The following ARHGAP6 variants were observed in gnomAD, a reference collection of about 807,000 sequenced individuals.
ARHGAP6 encodes Rho GTPase activating protein 6.
ARHGAP6 carries 16 observed loss-of-function variants against 55.7 expected under a neutral mutation model. The observed-to-expected ratio is 0.29, with a 90% CI of 0.19 to 0.44. ARHGAP6 has a LOEUF of 0.44. ARHGAP6 is among the 20% of genes least tolerant of loss of function. ARHGAP6 has a pLI of 1.00. For missense variants in ARHGAP6, 698 were observed against 808.9 expected (o/e 0.86, Z 1.66); for synonymous variants, 382 against 360.9 (o/e 1.06, Z -0.66).
In ARHGAP6 at chrX:11,221,424, A is replaced by T. The variant is rs139086720; in HGVS notation, c.749-24428T>A. 4.0e-3 allele frequency: 611 copies of T among 152,489 alleles called. 4 individuals carry two copies. The highest frequency in any genetic ancestry group is 0.019 in the African/African-American group (585 of 31,612). 12.6% of individuals were successfully genotyped at this position (152,489 alleles called of 1,213,427 possible). On this transcript the variant is annotated intron_variant, in intron 2 of 12. Coordinates refer to ENST00000337414, the MANE Select transcript of ARHGAP6 (RefSeq NM_013427.3). ...TTGTAGTTTATGAAAATTGTTTTCA[A>T]TCATACAACTGTTACAATAGGCTGT...
chrX:11,573,380 A>G (rs1047660490), intron 1 of ARHGAP6, among the ~76,000 whole-genome samples: 8 of 110,470 alleles, frequency 7.2e-5, no homozygotes, highest in Admixed American at 1.9e-4. Flanking sequence ...TAAGGAAGGG[A>G]TCCAGTTTCA....
chrX:11,460,024 C>A (rs1370562374), intron 1 of ARHGAP6, among the ~76,000 whole-genome samples: 1 of 112,005 alleles, frequency 8.9e-6, no homozygotes, highest in African/African-American at 3.2e-5. Context: ...CCTGGTATAA[C>A]CCCTTCCCAT....
intron 1 of ARHGAP6, among the ~76,000 whole-genome samples, chrX:11,594,969 C>T (rs1308583170): frequency 8.9e-6 from 1 of 111,980 alleles, no homozygotes; most frequent in Non-Finnish European, 1.9e-5. Flanking sequence ...GTAAACACAA[C>T]TTTCTGGAGA....
At chrX:11,641,572 A>G (rs1302236352) in intron 1 of ARHGAP6, among the ~76,000 whole-genome samples, 1 of 111,852 alleles carries the variant, frequency 8.9e-6, no homozygotes, top group Non-Finnish European at 1.9e-5. Flanking sequence ...GATGCAATAA[A>G]TTTGGTCATA....
intron 1 of ARHGAP6, among the ~76,000 whole-genome samples, chrX:11,563,898 G>C (rs1365589518): frequency 1.8e-5 from 2 of 111,162 alleles, no homozygotes; most frequent in Non-Finnish European, 3.8e-5. Context: ...ACATGTCTCC[G>C]AGTATTCTTA....
At chrX:11,271,764 G>A (rs755391503) in intron 1 of ARHGAP6, among the ~76,000 whole-genome samples, 1 of 111,574 alleles carries the variant, frequency 9.0e-6, no homozygotes, top group East Asian at 2.8e-4. Context: ...ATTTTTAGTT[G>A]CAGTCTGGTA....
intron 1 of ARHGAP6, among the ~76,000 whole-genome samples, chrX:11,455,339 T>C (rs778345742): frequency 8.9e-6 from 1 of 112,107 alleles, no homozygotes; most frequent in African/African-American, 3.2e-5. Flanking sequence ...TTTGGTGACA[T>C]CTTTGTCATT....
At chrX:11,216,489 C>A (rs2046884840) in intron 2 of ARHGAP6, among the ~76,000 whole-genome samples, 1 of 111,206 alleles carries the variant, frequency 9.0e-6, no homozygotes, top group Non-Finnish European at 1.9e-5. Context: ...CCCTGTCTCA[C>A]CAAAAATACA....
At chrX:11,254,008 A>G (rs756444902) in intron 2 of ARHGAP6, among the ~76,000 whole-genome samples, 2 of 111,889 alleles carry the variant, frequency 1.8e-5, no homozygotes, top group African/African-American at 6.5e-5. Flanking sequence ...TACTGGAATC[A>G]GGATCTGTTT....
intron 2 of ARHGAP6, among the ~76,000 whole-genome samples, chrX:11,215,061 G>C (rs1226707361): frequency 4.4e-5 from 5 of 113,247 alleles, no homozygotes; most frequent in Non-Finnish European, 9.4e-5. Flanking sequence ...CTGCCCAGGT[G>C]GTTCCCAGGG....
chrX:11,659,455 G>T (rs2052672563), intron 1 of ARHGAP6, among the ~76,000 whole-genome samples: 1 of 109,276 alleles, frequency 9.2e-6, no homozygotes, highest in African/African-American at 3.3e-5. Context: ...TTTAAAAGAA[G>T]CATCCCTGGC....
intron 1 of ARHGAP6, among the ~76,000 whole-genome samples, chrX:11,592,724 A>G (rs1238331480): frequency 9.0e-6 from 1 of 111,684 alleles, no homozygotes; most frequent in African/African-American, 3.3e-5. Context: ...GAAAAGCCCA[A>G]AAGAGAAGAT....
chrX:11,267,061 T>A (rs765592839), intron 1 of ARHGAP6, among the ~76,000 whole-genome samples: 4 of 111,802 alleles, frequency 3.6e-5, no homozygotes, highest in Non-Finnish European at 7.5e-5. Context: ...TCCTAAAAAC[T>A]GATGTTGAAA....
intron 1 of ARHGAP6, among the ~76,000 whole-genome samples, chrX:11,566,675 C>T (rs2051445010): frequency 9.0e-6 from 1 of 111,423 alleles, no homozygotes; most frequent in Admixed American, 9.6e-5. Flanking sequence ...TGAAGTATTA[C>T]CAGTAAAAAA....
chrX:11,349,111 T>C (rs1447527203), intron 1 of ARHGAP6, among the ~76,000 whole-genome samples: 1 of 109,087 alleles, frequency 9.2e-6, no homozygotes, highest in Non-Finnish European at 1.9e-5. Context: ...GAAGATATCA[T>C]AAGGATAGAG....
chrX:11,307,265 C>T (rs1399097832), intron 1 of ARHGAP6, among the ~76,000 whole-genome samples: 2 of 110,786 alleles, frequency 1.8e-5, no homozygotes, highest in Admixed American at 1.9e-4. Context: ...TGAAATTCAC[C>T]GAGAATGACA....
chrX:11,411,835 T>C (rs1473288636), intron 1 of ARHGAP6, among the ~76,000 whole-genome samples: 1 of 111,722 alleles, frequency 9.0e-6, no homozygotes, highest in Non-Finnish European at 1.9e-5. Context: ...AGATGTAATT[T>C]ACATTCTATA....
In ARHGAP6 at chrX:11,144,118, A is replaced by G; in HGVS notation, c.2038T>C (p.Ser680Pro). The change falls in exon 11 of 13, where the codon TCC (serine) becomes CCC (proline). Residue 680 changes from serine to proline, a missense_variant. Coordinates refer to ENST00000337414, the MANE Select transcript of ARHGAP6 (RefSeq NM_013427.3). Reference sequence around the variant, plus strand: ...GCGTCCTCTTGCATAGCCAGCAGGGAGCGCTCAGACAGCACTGGGGAGTTG... The same window carrying G: ...GCGTCCTCTTGCATAGCCAGCAGGGGGCGCTCAGACAGCACTGGGGAGTTG... ...DNNSPVLSER[S>P]LLAMQEDAAP... is the part of the protein sequence containing the mutation. The G allele has an allele frequency of 2.5e-6, 3 of 1,211,321 alleles. No homozygotes were observed. The highest frequency in any genetic ancestry group is 1.8e-5 in the South Asian group (1 of 56,916).
chrX:11,205,787 A>C, intron 2 of ARHGAP6, among the ~76,000 whole-genome samples: 1 of 112,029 alleles, frequency 8.9e-6, no homozygotes, highest in East Asian at 2.8e-4. Flanking sequence ...ATCACTTGCC[A>C]TCTATTATAG....
Sources: allele counts gnomAD v4.1 joint callset (sites outside exome capture counted in the v4.1 genomes callset), GRCh38; gene constraint gnomAD v4.1.1; transcripts MANE v1.5; gene names NCBI Gene and HGNC (gene_info 2026-07-23, HGNC 2026-07-21).